Variants in NPNT observed in about 807,000 individuals in gnomAD.
NPNT encodes the protein preosteoblast EGF-like repeat protein with MAM domain.
Under a neutral mutation model 68.6 loss-of-function variants are expected in NPNT, and 45 were observed. That is an observed-to-expected ratio of 0.66 (90% confidence interval 0.52 to 0.84). The LOEUF is 0.84. NPNT is among the 40% of genes least tolerant of loss of function. NPNT has a pLI of 0.00. For synonymous variants in NPNT, 233 were observed against 253.3 expected, an observed-to-expected ratio of 0.92 and a Z score of 0.76; for missense variants, 672 against 714.8, an observed-to-expected ratio of 0.94 and a Z score of 0.68.
Position 105,934,309 on chromosome 4 carries a change from A to G in NPNT, c.266-2700A>G, listed in dbSNP as rs541877303. On this transcript the variant is annotated intron_variant, in intron 3 of 11. Transcript: ENST00000379987. ...TAATATGGCACTAGGTCAATGAGAA[A>G]AGAAGGTAACATAATTGAAGACAAG... 2.0e-5 allele frequency among the ~76,000 whole-genome samples: 3 copies of G among 152,346 alleles called. No individual in the cohort carries two copies. The South Asian group carries it at 6.2e-4, about 32-fold the overall frequency.
intron 9 of NPNT, 52 bp downstream of exon 9, chr4:105,958,609 C>T (rs752028454): frequency 9.7e-7 from 1 of 1,031,798 alleles, no homozygotes; most frequent in Admixed American, 2.3e-5. Context: ...TGTTTCTCTC[C>T]ATGAAAATAA....
chr4:105,940,210 G>A lies in NPNT; in HGVS notation c.640+1G>A, dbSNP rs1389205197. ...ATTGGAGGCAAATATCAATGTCATGGTAATGAAACCCAACCATTGCTTTGT... is the reference window on the plus strand; with the variant it reads ...ATTGGAGGCAAATATCAATGTCATGATAATGAAACCCAACCATTGCTTTGT... On this transcript the variant is annotated splice_donor_variant, in intron 6 of 11. Coordinates refer to ENST00000379987, the MANE Select transcript of NPNT (RefSeq NM_001033047.3). LOFTEE classifies it high-confidence loss of function. 6.2e-7 allele frequency: 1 copy of A among 1,613,010 alleles called. No individual in the cohort carries two copies. The highest frequency in any genetic ancestry group is 1.1e-5 in the South Asian group (1 of 91,056).
rs868280960 is a variant in NPNT at position 105,931,522 on chromosome 4, T to C, written c.265+4094T>C. Among the ~76,000 whole-genome samples the C allele has an allele frequency of 3.3e-5, 5 of 151,872 alleles. No homozygotes were observed. The South Asian group carries it at 6.3e-4, about 19-fold the overall frequency. On this transcript the variant is annotated intron_variant, in intron 3 of 11. Transcript: ENST00000379987. The stretch of plus-strand genomic sequence containing the variant: ...TAAGGTGGTTACCTACAGCCGTAGG[T>C]TTTGAAAGATGTATGGTTCCAGCCG...
chr4:105,923,836 A>G (rs1345918104), intron 2 of NPNT, among the ~76,000 whole-genome samples: 1 of 152,088 alleles, frequency 6.6e-6, no homozygotes, highest in Non-Finnish European at 1.5e-5. Flanking sequence ...TCCATTACTA[A>G]CCCATCCCCC....
At position 105,969,031 on chromosome 4, in the gene NPNT, C is replaced by T. The variant is rs375404177; in HGVS notation, c.*41C>T. 2.4e-6 allele frequency: 3 copies of T among 1,273,304 alleles called. No homozygotes were observed. Among genetic ancestry groups the T allele is most frequent in the Non-Finnish European group, 2.3e-6 (2 of 879,758 alleles). The allele number at this position is 1,273,304 out of a possible 1,614,324, so 78.9% of individuals were successfully genotyped here. On this transcript the variant is annotated 3_prime_UTR_variant, in exon 12 of 12. Transcript: ENST00000379987. Reference sequence around the variant, plus strand: ...CAATGAACTCCTATGTTGCTCTATCCTCTTTTTCCAATTCTCATCTTCTCT... The same window carrying T: ...CAATGAACTCCTATGTTGCTCTATCTTCTTTTTCCAATTCTCATCTTCTCT...
chr4:105,921,800 G>A (rs1728276846), intron 2 of NPNT, among the ~76,000 whole-genome samples: 2 of 152,052 alleles, frequency 1.3e-5, no homozygotes, highest in Admixed American at 1.3e-4. Flanking sequence ...CTTTTCCAAG[G>A]CCAATTACCA....
At position 105,895,757 on chromosome 4, in the gene NPNT, C is replaced by A. The variant is rs183298822; in HGVS notation, c.71+34C>A. 4.6e-5 allele frequency: 71 copies of A among 1,531,548 alleles called. No homozygotes were observed. The East Asian group carries it at 1.7e-3, about 38-fold the overall frequency. 94.9% of individuals were successfully genotyped at this position (1,531,548 alleles called of 1,614,324 possible). A position where few individuals can be genotyped will look rare whatever the true frequency, so the allele number is the denominator to read the frequency against. ...GGCCCCGGGGCGCCCTCTCCTCCTT[C>A]CCGCGCTAATTTCACACTCACTGTC... On this transcript the variant is annotated intron_variant, in intron 1 of 11. Coordinates refer to ENST00000379987, the MANE Select transcript of NPNT (RefSeq NM_001033047.3).
rs62320060 is a variant in NPNT, at chr4:105,971,151, C to A, written c.*2161C>A. The stretch of plus-strand genomic sequence containing the variant: ...GAACACAGTTCAGAGAGATTTTCAT[C>A]GGGTGCATTCTCTCTGCTTCGTGTG... On this transcript the variant is annotated 3_prime_UTR_variant, in exon 12 of 12. Coordinates refer to ENST00000379987, the MANE Select transcript of NPNT (RefSeq NM_001033047.3). The A allele has an allele frequency of 2.2e-6, 1 of 454,482 alleles. No individual in the cohort carries two copies. The highest frequency in any genetic ancestry group is 4.4e-6 in the Non-Finnish European group (1 of 225,842). 28.2% of individuals were successfully genotyped at this position (454,482 alleles called of 1,614,324 possible).
chr4:105,912,137 C>T, intron 2 of NPNT: 1 of 1,315,330 alleles, frequency 7.6e-7, no homozygotes, highest in South Asian at 1.3e-5. Flanking sequence ...AGTCCAGCCT[C>T]CTTACAGAGA....
At chr4:105,916,639 G>T (rs1455338642) in intron 2 of NPNT, among the ~76,000 whole-genome samples, 1 of 152,162 alleles carries the variant, frequency 6.6e-6, no homozygotes, top group Non-Finnish European at 1.5e-5. Flanking sequence ...GATTTTCACA[G>T]CAGGAAGTCT....
At chr4:105,962,238 G>T (rs1731774037) in intron 10 of NPNT, among the ~76,000 whole-genome samples, 1 of 152,188 alleles carries the variant, frequency 6.6e-6, no homozygotes, top group Admixed American at 6.5e-5. Context: ...GAGAAGAATA[G>T]AGTTGGTCAC....
chr4:105,938,512 T>C (rs1729680244), intron 5 of NPNT, 92 bp downstream of exon 5: 3 of 1,283,036 alleles, frequency 2.3e-6, no homozygotes, highest in South Asian at 2.7e-5. Context: ...AAAAAGGCAA[T>C]TACTTACATC....
chr4:105,898,314 C>A (rs867850153), intron 2 of NPNT, among the ~76,000 whole-genome samples: 1 of 127,572 alleles, frequency 7.8e-6, no homozygotes, highest in Non-Finnish European at 1.6e-5. Context: ...CTCTCTCTGT[C>A]TCTCTCTCTC....
chr4:105,971,139 A>G lies in NPNT; in HGVS notation c.*2149A>G, dbSNP rs777424286. ...AGATCCTTCAAGGAACACAGTTCAG[A>G]GAGATTTTCATCGGGTGCATTCTCT... On this transcript the variant is annotated 3_prime_UTR_variant, in exon 12 of 12. Transcript: ENST00000379987. The G allele has an allele frequency of 4.4e-6, 2 of 455,632 alleles. No individual in the cohort carries two copies. Among genetic ancestry groups the G allele is most frequent in the South Asian group, 3.1e-5 (2 of 64,478 alleles). The allele number at this position is 455,632 out of a possible 1,614,324, so 28.2% of individuals were successfully genotyped here.
intron 2 of NPNT, among the ~76,000 whole-genome samples, chr4:105,907,446 A>G (rs1054032008): frequency 3.3e-5 from 5 of 152,216 alleles, no homozygotes; most frequent in African/African-American, 1.2e-4. Flanking sequence ...AGCGTGAACC[A>G]AGAATCTCCC....
chr4:105,899,756 T>C lies in NPNT; in HGVS notation c.172+1755T>C, dbSNP rs547088609. Among the ~76,000 whole-genome samples, 51 of 152,338 alleles carry C rather than the reference T, an allele frequency of 3.3e-4. 1 individual carries two copies. The South Asian group carries it at 0.01, about 31-fold the overall frequency. On this transcript the variant is annotated intron_variant, in intron 2 of 11. Transcript: ENST00000379987. ...TCTTTACTATTAACATTGAAGTTGG[T>C]GAGGTTGTAAAAATTAGCTCAAAGG...
chr4:105,940,430 AT>A, intron 6 of NPNT, 83 bp from the exon 7 acceptor site: 1 of 1,403,380 alleles, frequency 7.1e-7, no homozygotes. Flanking sequence ...GCCAAAAAAA[AT>A]CATTTTTGAA....
intron 8 of NPNT, among the ~76,000 whole-genome samples, chr4:105,946,312 G>A (rs762184839): frequency 6.6e-5 from 10 of 152,008 alleles, no homozygotes; most frequent in African/African-American, 9.7e-5. Flanking sequence ...TTTAATATGG[G>A]GCTTAAAAAT....
At chr4:105,964,341 G>A (rs28530644) in intron 10 of NPNT, among the ~76,000 whole-genome samples, 14,302 of 152,194 alleles carry the variant, frequency 0.094, 866 homozygotes, top group African/African-American at 0.18. Context: ...AGTTCAGACA[G>A]TAGTGCAGTG....
Sources: allele counts gnomAD v4.1 joint callset (sites outside exome capture counted in the v4.1 genomes callset), GRCh38; gene constraint gnomAD v4.1.1; transcripts MANE v1.5; gene names NCBI Gene and HGNC (gene_info 2026-07-23, HGNC 2026-07-21).